NOTCH2: variants seen among roughly 807,000 people sequenced by gnomAD.
The protein encoded by NOTCH2 is neurogenic locus notch homolog protein 2.
NOTCH2 carries 29 observed loss-of-function variants against 235.8 expected under a neutral mutation model. The observed-to-expected ratio is 0.12, with a 90% CI of 0.09 to 0.17. The LOEUF is 0.17. Ranked by LOEUF, NOTCH2 falls within the 10% of genes least tolerant of loss-of-function variation. NOTCH2 has a pLI of 1.00. For synonymous variants in NOTCH2, 1,086 were observed against 1,141.5 expected (o/e 0.95, Z 0.98); for missense variants, 2,285 against 3,150.2 (o/e 0.73, Z 6.57).
chr1:120,012,577 C>T (rs587644010), intron 2 of NOTCH2, among the ~76,000 whole-genome samples: 59 of 151,722 alleles, frequency 3.9e-4, no homozygotes, highest in Non-Finnish European at 7.5e-4. Context: ...ACAACTTTTA[C>T]ATTATACTCA....
Position 119,920,268 on chromosome 1 carries a change from G to C in NOTCH2, c.5440C>G (p.Gln1814Glu), listed in dbSNP as rs778267540. The C allele has an allele frequency of 1.2e-6, 2 of 1,614,148 alleles. No homozygotes were observed. The highest frequency in any genetic ancestry group is 2.2e-5 in the South Asian group (2 of 91,060). The change falls in exon 30 of 34, where the codon CAG becomes GAG. Residue 1814 changes from glutamine (Q) to glutamate (E), a missense_variant. Gln to Glu is a conservative substitution (Grantham distance 29, BLOSUM62 2). Around this residue, in one of 6 missense-constraint regions of NOTCH2, gnomAD observed 1,173 missense variants for 1,515.3 expected, o/e 0.77. Transcript: ENST00000256646. Reference sequence around the variant, plus strand: ...TTCACATCTAACACATCCACCTCCTGCTCTGCCTGAGGAGGGGTGAGAGCC... The same window carrying C: ...TTCACATCTAACACATCCACCTCCTCCTCTGCCTGAGGAGGGGTGAGAGCC... ...SLALTPPQAE[Q>E]EVDVLDVNVR...
chr1:119,956,220 T>C lies in NOTCH2; in HGVS notation c.2027-988A>G, dbSNP rs2101126203. Among the ~76,000 whole-genome samples, 3 of 152,334 alleles carry C rather than the reference T, an allele frequency of 2.0e-5. No individual in the cohort carries two copies. The East Asian group carries it at 5.8e-4, about 29-fold the overall frequency. Reference sequence around the variant, plus strand: ...TACAAGTGTTTCCATTTGTTACATTTTGAGTAACTGAGATTTAACTATATA... The same window carrying C: ...TACAAGTGTTTCCATTTGTTACATTCTGAGTAACTGAGATTTAACTATATA... On this transcript the variant is annotated intron_variant, in intron 12 of 33. Transcript: ENST00000256646.
chr1:120,018,074 C>CA (rs1653519241), intron 2 of NOTCH2, among the ~76,000 whole-genome samples: 1 of 150,170 alleles, frequency 6.7e-6, no homozygotes, highest in Non-Finnish European at 1.5e-5. Context: ...TTCTGAAGTC[C>CA]AAAAAATATC....
At chr1:120,020,520 TCAGA>T (rs776964321) in intron 2 of NOTCH2, among the ~76,000 whole-genome samples, 12 of 20,988 alleles carry the variant, frequency 5.7e-4, no homozygotes, top group African/African-American at 1.4e-3. Context: ...GCATTCACTG[TCAGA>T]CAGTCTCTGG....
chr1:119,963,832 T>C, intron 10 of NOTCH2, 25 bp from the exon 11 acceptor site: 7 of 1,597,340 alleles, frequency 4.4e-6, no homozygotes, highest in Non-Finnish European at 6.0e-6. Flanking sequence ...TTATCAAGGA[T>C]TCTCAAAGAC....
chr1:119,977,597 T>C (rs185316329), intron 5 of NOTCH2, among the ~76,000 whole-genome samples: 26 of 152,306 alleles, frequency 1.7e-4, no homozygotes, highest in African/African-American at 5.8e-4. Flanking sequence ...TTCCCCAACG[T>C]CACTACTAAC....
intron 1 of NOTCH2, among the ~76,000 whole-genome samples, chr1:120,047,609 G>A (rs1230913932): frequency 5.9e-4 from 80 of 134,842 alleles, no homozygotes; most frequent in Middle Eastern, 7.3e-3. Flanking sequence ...GCTTGAGCCT[G>A]GGAGGTGGAG....
intron 18 of NOTCH2, 36 bp downstream of exon 18, chr1:119,941,490 C>G: frequency 6.9e-7 from 1 of 1,455,550 alleles, no homozygotes; most frequent in Non-Finnish European, 9.6e-7. Flanking sequence ...CCCTTTCTCT[C>G]GTAAGATGCT....
chr1:120,006,954 A>C (rs1553206377), intron 2 of NOTCH2, among the ~76,000 whole-genome samples: 1 of 152,268 alleles, frequency 6.6e-6, no homozygotes, highest in Non-Finnish European at 1.5e-5. Context: ...GAACTAAGAC[A>C]GAAAATGCCC....
chr1:119,954,595 G>A lies in NOTCH2; in HGVS notation c.2219+445C>T, dbSNP rs900959175. Among the ~76,000 whole-genome samples the A allele has an allele frequency of 2.6e-5, 4 of 152,114 alleles. No homozygotes were observed. The South Asian group carries it at 8.3e-4, about 32-fold the overall frequency. On this transcript the variant is annotated intron_variant, in intron 13 of 33. Coordinates refer to ENST00000256646, the MANE Select transcript of NOTCH2 (RefSeq NM_024408.4). ...TTAAAAATTGCAAATGTTTTATCAG[G>A]GACATTTCTAAAGTTGGCTGAAGCG...
At chr1:120,047,418 C>T (rs1212969308) in intron 1 of NOTCH2, among the ~76,000 whole-genome samples, 2 of 74,484 alleles carry the variant, frequency 2.7e-5, no homozygotes, top group African/African-American at 1.3e-4. Context: ...CAGTGGCTAA[C>T]ACCTGTAATC....
At chr1:119,980,062 A>G (rs187046056) in intron 5 of NOTCH2, among the ~76,000 whole-genome samples, 2 of 152,320 alleles carry the variant, frequency 1.3e-5, no homozygotes, top group South Asian at 2.1e-4. Flanking sequence ...CCTGTCTCGC[A>G]TGATATCAAC....
rs1017474172 is a variant in NOTCH2 at position 119,914,297 on chromosome 1, T to C, written c.*1009A>G. On this transcript the variant is annotated 3_prime_UTR_variant, in exon 34 of 34. Coordinates refer to ENST00000256646, the MANE Select transcript of NOTCH2 (RefSeq NM_024408.4). ...GCTTGGCAGGAAGTAGGGGGACCTG[T>C]GGGTGGGTAACTGGCTCTTGCACGA... 31 of 233,034 alleles carry C rather than the reference T, an allele frequency of 1.3e-4. No individual in the cohort carries two copies. The highest frequency in any genetic ancestry group is 2.3e-4 in the Non-Finnish European group (27 of 118,008). 14.4% of individuals were successfully genotyped at this position (233,034 alleles called of 1,614,324 possible). A position where few individuals can be genotyped will look rare whatever the true frequency, so the allele number is the denominator to read the frequency against.
intron 4 of NOTCH2, among the ~76,000 whole-genome samples, chr1:119,989,217 T>C (rs1001587082): frequency 6.6e-6 from 1 of 152,186 alleles, no homozygotes; most frequent in African/African-American, 2.4e-5. Flanking sequence ...TAAATGGTTA[T>C]TGTAAAGATT....
At position 119,921,819 on chromosome 1, in the gene NOTCH2, T is replaced by C. The variant is rs761995764; in HGVS notation, c.5214-10A>G. ...TTGCACTGAGAGATTTCTAATATGATTATAAAAAGAAAAAATAAGAATGGC... is the reference window on the plus strand; with the variant it reads ...TTGCACTGAGAGATTTCTAATATGACTATAAAAAGAAAAAATAAGAATGGC... On this transcript the variant is annotated splice_polypyrimidine_tract_variant and intron_variant, in intron 28 of 33. Transcript: ENST00000256646. 2.1e-5 allele frequency: 34 copies of C among 1,603,714 alleles called. No individual in the cohort carries two copies. The highest frequency in any genetic ancestry group is 1.1e-4 in the African/African-American group (8 of 74,686).
intron 5 of NOTCH2, among the ~76,000 whole-genome samples, chr1:119,986,483 A>T (rs1303261806): frequency 6.6e-6 from 1 of 152,230 alleles, no homozygotes; most frequent in Non-Finnish European, 1.5e-5. Context: ...TGTCATTAAG[A>T]GTACCTGCCT....
At chr1:120,000,864 C>T (rs1348161135) in intron 3 of NOTCH2, among the ~76,000 whole-genome samples, 1 of 152,032 alleles carries the variant, frequency 6.6e-6, no homozygotes, top group Non-Finnish European at 1.5e-5. Flanking sequence ...TACCCTCTAC[C>T]CCACCAACAC....
At chr1:119,938,473 T>C (rs1049367020) in intron 19 of NOTCH2, among the ~76,000 whole-genome samples, 2 of 152,274 alleles carry the variant, frequency 1.3e-5, no homozygotes, top group African/African-American at 2.4e-5. Flanking sequence ...CCATGAGTAA[T>C]AGCAGTCCTA....
rs181070107 is a variant in NOTCH2 at position 119,969,813 on chromosome 1, C to G, written c.875-69G>C. 37 of 1,312,198 alleles carry G rather than the reference C, an allele frequency of 2.8e-5. No homozygotes were observed. In the African/African-American group the frequency reaches 4.9e-4, roughly 17 times the overall value. The allele number at this position is 1,312,198 out of a possible 1,614,324, so 81.3% of individuals were successfully genotyped here. On this transcript the variant is annotated intron_variant, in intron 5 of 33. Coordinates refer to ENST00000256646, the MANE Select transcript of NOTCH2 (RefSeq NM_024408.4). ...AAGGACTAGTACCATACCAGCCCCC[C>G]ACACTCTTCATCTTCATGTGACCTG...
Sources: allele counts gnomAD v4.1 joint callset (sites outside exome capture counted in the v4.1 genomes callset), GRCh38; gene constraint gnomAD v4.1.1; regional missense constraint gnomAD v4.1.1; transcripts MANE v1.5; gene names NCBI Gene and HGNC (gene_info 2026-07-23, HGNC 2026-07-21).